Variants in NCKAP1L observed in about 807,000 individuals in gnomAD.
NCKAP1L encodes the protein nck-associated protein 1-like.
NCKAP1L carries 53 observed loss-of-function variants against 139.2 expected under a neutral mutation model. The observed-to-expected ratio is 0.38, with a 90% CI of 0.31 to 0.48. NCKAP1L has a LOEUF of 0.48. Among genes scored for constraint, NCKAP1L ranks in the 20% least tolerant of loss-of-function variants. NCKAP1L has a pLI of 0.98. For synonymous variants in NCKAP1L, 468 were observed against 499.7 expected, an observed-to-expected ratio of 0.94 and a Z score of 0.85; for missense variants, 1,151 against 1,381.9, an observed-to-expected ratio of 0.83 and a Z score of 2.65.
intron 26 of NCKAP1L, among the ~76,000 whole-genome samples, chr12:54,532,905 T>C (rs1002678950): frequency 5.3e-5 from 8 of 152,262 alleles, no homozygotes; most frequent in African/African-American, 1.9e-4. Context: ...AGCCTAGGAA[T>C]AGAATCCTTC....
At chr12:54,535,992 G>A in intron 27 of NCKAP1L, 137 bp from the exon 28 acceptor site, 2 of 645,382 alleles carry the variant, frequency 3.1e-6, no homozygotes, top group Non-Finnish European at 5.5e-6. Flanking sequence ...CTTGCCCATA[G>A]GCTTTATAAA....
At chr12:54,516,423 C>T in intron 10 of NCKAP1L, 128 bp downstream of exon 10, 1 of 802,132 alleles carries the variant, frequency 1.2e-6, no homozygotes, top group Non-Finnish European at 2.0e-6. Context: ...TTGCTGCTAC[C>T]CCATAAATTC....
chr12:54,506,796 A>AAAAAAATATATATAT, intron 3 of NCKAP1L, among the ~76,000 whole-genome samples: 89 of 50,596 alleles, frequency 1.8e-3, no homozygotes, highest in East Asian at 5.4e-3. Context: ...AAAAAAAAAA[A>AAAAAAATATATATAT]ATATATATAT....
At chr12:54,508,215 T>C (rs1344801299) in intron 4 of NCKAP1L, among the ~76,000 whole-genome samples, 174 bp from the exon 5 acceptor site, 1 of 152,244 alleles carries the variant, frequency 6.6e-6, no homozygotes, top group Non-Finnish European at 1.5e-5. Context: ...AGCTCACTTT[T>C]AGCCCCTGAC....
chr12:54,517,432 A>G, intron 11 of NCKAP1L, 101 bp from the exon 12 acceptor site: 1 of 789,628 alleles, frequency 1.3e-6, no homozygotes, highest in Non-Finnish European at 2.1e-6. Context: ...TGTTGTGGCT[A>G]CACAATTACA....
At chr12:54,513,217 G>A (rs1236369075) in intron 9 of NCKAP1L, among the ~76,000 whole-genome samples, 1 of 152,188 alleles carries the variant, frequency 6.6e-6, no homozygotes, top group Non-Finnish European at 1.5e-5. Flanking sequence ...TGATGTCGAG[G>A]TTTCTGGCGT....
chr12:54,535,565 G>A (rs1957108239), intron 27 of NCKAP1L, among the ~76,000 whole-genome samples: 1 of 152,144 alleles, frequency 6.6e-6, no homozygotes, highest in African/African-American at 2.4e-5. Context: ...TGGGTTGTGT[G>A]GTATAGCACC....
chr12:54,517,061 C>T (rs1404497442), intron 11 of NCKAP1L, 69 bp downstream of exon 11: 1 of 1,361,818 alleles, frequency 7.3e-7, no homozygotes, highest in Non-Finnish European at 1.0e-6. Flanking sequence ...ACGTGGCACT[C>T]ACGAGATTTT....
At chr12:54,514,452 G>C (rs1956914599) in intron 9 of NCKAP1L, among the ~76,000 whole-genome samples, 3 of 151,928 alleles carry the variant, frequency 2.0e-5, no homozygotes, top group Admixed American at 2.0e-4. Context: ...CTCCCAAGTA[G>C]CTGGGATTAC....
chr12:54,512,252 T>C, intron 9 of NCKAP1L, 147 bp downstream of exon 9: 1 of 789,464 alleles, frequency 1.3e-6, no homozygotes, highest in Non-Finnish European at 1.9e-6. Context: ...TACCTACTAT[T>C]AGCTAAGTGC....
intron 3 of NCKAP1L, among the ~76,000 whole-genome samples, chr12:54,503,637 T>C (rs1565671845): frequency 6.6e-6 from 1 of 150,714 alleles, no homozygotes; most frequent in Non-Finnish European, 1.5e-5. Flanking sequence ...ATATATTTTT[T>C]CTTTTCTTTT....
In NCKAP1L at chr12:54,531,477, T is replaced by C. The variant is rs747404731; in HGVS notation, c.2605-14T>C. 6 of 1,613,456 alleles carry C rather than the reference T, an allele frequency of 3.7e-6. No homozygotes were observed. The highest frequency in any genetic ancestry group is 2.2e-5 in the East Asian group (1 of 44,880). On this transcript the variant is annotated splice_polypyrimidine_tract_variant and intron_variant, in intron 23 of 30. Transcript: ENST00000293373. ...TCTTTTCCTGCTTAATGTCTCTGTG[T>C]TCCTGGACTACAGAAGCTGGTGGTG...
intron 9 of NCKAP1L, among the ~76,000 whole-genome samples, chr12:54,514,603 G>T (rs557063674): frequency 6.6e-6 from 1 of 152,122 alleles, no homozygotes; most frequent in African/African-American, 2.4e-5. Flanking sequence ...GATTACAGGC[G>T]TGAGCCACCG....
At chr12:54,528,512 G>A (rs1471394128) in intron 22 of NCKAP1L, 135 bp downstream of exon 22, 2 of 1,069,650 alleles carry the variant, frequency 1.9e-6, no homozygotes, top group East Asian at 2.6e-5. Context: ...AAAAACCACA[G>A]TTACTTTTGC....
intron 22 of NCKAP1L, among the ~76,000 whole-genome samples, chr12:54,530,589 G>T (rs1020776499): frequency 1.3e-5 from 2 of 152,216 alleles, no homozygotes; most frequent in South Asian, 4.1e-4. Flanking sequence ...TCAGATCTTA[G>T]ATGAGGAAAT....
chr12:54,545,207 A>G lies in NCKAP1L; in HGVS notation c.*2522A>G, dbSNP rs759058473. 3.9e-5 allele frequency: 6 copies of G among 152,218 alleles called. No homozygotes were observed. The highest frequency in any genetic ancestry group is 7.3e-5 in the Non-Finnish European group (5 of 68,042). The allele number at this position is 152,218 out of a possible 1,614,324, so 9.4% of individuals were successfully genotyped here. On this transcript the variant is annotated 3_prime_UTR_variant, in exon 31 of 31. Coordinates refer to ENST00000293373, the MANE Select transcript of NCKAP1L (RefSeq NM_005337.5). ...TTTGTAAACATATAATTATACACAC[A>G]TATTTCTCTACCACTTATACTTTTT...
intron 25 of NCKAP1L, 37 bp from the exon 26 acceptor site, chr12:54,532,133 T>C: frequency 6.8e-7 from 1 of 1,471,956 alleles, no homozygotes; most frequent in Admixed American, 1.9e-5. Flanking sequence ...GCATTGGTCA[T>C]GGTCTTGTGG....
intron 9 of NCKAP1L, among the ~76,000 whole-genome samples, chr12:54,512,724 C>T (rs1956898013): frequency 6.6e-6 from 1 of 151,614 alleles, no homozygotes; most frequent in African/African-American, 2.4e-5. Context: ...AACCTGGAGA[C>T]AGGTAGATCT....
Position 54,501,680 on chromosome 12 carries a change from A to AT in NCKAP1L, c.306+1061dup, listed in dbSNP as rs544693627. ...CCACCACACCTGGCTAAGTTTTTAT[A>AT]TTTTTTGTAGAGATGGGGTATCCCC... On this transcript the variant is annotated intron_variant, in intron 3 of 30. Coordinates refer to ENST00000293373, the MANE Select transcript of NCKAP1L (RefSeq NM_005337.5). Among the ~76,000 whole-genome samples, 242 of 152,042 alleles carry AT rather than the reference A, an allele frequency of 1.6e-3. 1 individual carries two copies. The highest frequency in any genetic ancestry group is 6.8e-3 in the Middle Eastern group (2 of 294).
Sources: allele counts gnomAD v4.1 joint callset (sites outside exome capture counted in the v4.1 genomes callset), GRCh38; gene constraint gnomAD v4.1.1; transcripts MANE v1.5; gene names NCBI Gene and HGNC (gene_info 2026-07-23, HGNC 2026-07-21).